The following ITGB4 variants were observed in gnomAD, a reference collection of about 807,000 sequenced individuals.
ITGB4 encodes the protein integrin beta-4.
ITGB4 carries 159 observed loss-of-function variants against 207.6 expected under a neutral mutation model. That is an observed-to-expected ratio of 0.77 (90% CI 0.67 to 0.87). The LOEUF (loss-of-function observed/expected upper bound fraction) is 0.87, where lower values mean the gene tolerates loss of function less well. Ranked by LOEUF, ITGB4 falls within the 40% of genes least tolerant of loss-of-function variation. The pLI is 0.00. For synonymous variants in ITGB4, 1,020 were observed against 1,062.7 expected, an observed-to-expected ratio of 0.96 and a Z score of 0.78; for missense variants, 2,278 against 2,546.8, an observed-to-expected ratio of 0.89 and a Z score of 2.27.
At chr17:75,733,196 G>A (rs1055350990) in intron 12 of ITGB4, among the ~76,000 whole-genome samples, 7 of 152,012 alleles carry the variant, frequency 4.6e-5, no homozygotes, top group Admixed American at 3.9e-4. Context: ...AGACCATCCT[G>A]GCTAACATGG....
chr17:75,743,874 C>T lies in ITGB4; in HGVS notation c.3111+13C>T, dbSNP rs756994742. The stretch of plus-strand genomic sequence containing the variant: ...GCAGGGCAACCGGGTGAGGCTGCGC[C>T]ACAGGGTCGAGGGTGCAGCCCGGGG... On this transcript the variant is annotated intron_variant, in intron 26 of 39. Transcript: ENST00000200181. The T allele has an allele frequency of 2.6e-6, 4 of 1,568,570 alleles. No individual in the cohort carries two copies. The South Asian group carries it at 4.6e-5, about 18-fold the overall frequency.
At position 75,730,342 on chromosome 17, in the gene ITGB4, C is replaced by G; in HGVS notation, c.840C>G (p.Ile280Met). 6 of 1,613,918 alleles carry G rather than the reference C, an allele frequency of 3.7e-6. No individual in the cohort carries two copies. Among genetic ancestry groups the G allele is most frequent in the Non-Finnish European group, 5.1e-6 (6 of 1,180,030 alleles). Reference sequence around the variant, plus strand: ...ATGGCGCCAACGTGCTGGCTGGCATCATGAGCCGCAACGATGAACGGTGCC... The same window carrying G: ...ATGGCGCCAACGTGCTGGCTGGCATGATGAGCCGCAACGATGAACGGTGCC... Reference protein sequence around the residue: ...EADGANVLAGIMSRNDERCHL... With the variant: ...EADGANVLAGMMSRNDERCHL... Residue 280 changes from isoleucine to methionine, a missense_variant, in exon 8 of 40, where the codon ATC (isoleucine) becomes ATG (methionine). Transcript: ENST00000200181.
At chr17:75,733,742 A>G in intron 13 of ITGB4, 50 bp downstream of exon 13, 1 of 1,579,514 alleles carries the variant, frequency 6.3e-7, no homozygotes, top group Non-Finnish European at 8.7e-7. Context: ...GGGAGTGGAC[A>G]GCAAGCATGA....
intron 26 of ITGB4, among the ~76,000 whole-genome samples, chr17:75,745,969 G>T (rs906692451): frequency 5.3e-5 from 8 of 152,228 alleles, no homozygotes; most frequent in African/African-American, 1.9e-4. Flanking sequence ...GGAGCGCGTA[G>T]TCAGCAGGCC....
In ITGB4 at chr17:75,754,717, C is replaced by T. The variant is rs145161839; in HGVS notation, c.4460C>T (p.Thr1487Ile). Reference sequence around the variant, plus strand: ...CACCGCGTGCTAAGCACATCCTCCACCCTCACACGGGACTACAACTCACTG... The same window carrying T: ...CACCGCGTGCTAAGCACATCCTCCATCCTCACACGGGACTACAACTCACTG... ...VPHRVLSTSS[T>I]LTRDYNSLTR... The change falls in exon 34 of 40, where the codon ACC becomes ATC. Residue 1487 changes from threonine (T) to isoleucine (I), a missense_variant. Physicochemically the swap from Thr to Ile is moderately conservative, Grantham distance 89. Transcript: ENST00000200181. 1 of 1,614,072 alleles carries T rather than the reference C, an allele frequency of 6.2e-7. No individual in the cohort carries two copies. Among genetic ancestry groups the T allele is most frequent in the African/African-American group, 1.3e-5 (1 of 74,930 alleles).
rs1193113402 is a variant in ITGB4 at position 75,721,515 on chromosome 17, C to G, written c.-108C>G. 1 of 151,784 alleles carries G rather than the reference C, an allele frequency of 6.6e-6. No individual in the cohort carries two copies. 9.4% of individuals were successfully genotyped at this position (151,784 alleles called of 1,614,324 possible). ...CCCTGCTCGCCCGCGCGCTGCAGCC[C>G]CATCTCCTAGCGGCAGCCCAGGCGC... On this transcript the variant is annotated 5_prime_UTR_variant, in exon 1 of 40. Transcript: ENST00000200181.
In ITGB4 at chr17:75,750,327, C is replaced by T. The variant is rs1018264982; in HGVS notation, c.3474+59C>T. The stretch of plus-strand genomic sequence containing the variant: ...ATGGGCGGTCTGGCACCAGCACTCA[C>T]AGAAGAGGTGGGCCGTCCAAGGCCA... On this transcript the variant is annotated intron_variant, in intron 28 of 39. Transcript: ENST00000200181. This position sits in a 1 kb window ranked among gnomAD's most constrained non-coding sequence, Gnocchi z 5.5. The T allele has an allele frequency of 4.6e-5, 71 of 1,547,072 alleles. No homozygotes were observed. The highest frequency in any genetic ancestry group is 6.1e-5 in the Non-Finnish European group (70 of 1,140,834).
At position 75,740,309 on chromosome 17, in the gene ITGB4, C is replaced by T; in HGVS notation, c.2447-49C>T. 1.3e-6 allele frequency: 2 copies of T among 1,502,232 alleles called. No individual in the cohort carries two copies. Among genetic ancestry groups the T allele is most frequent in the Non-Finnish European group, 1.8e-6 (2 of 1,088,210 alleles). The allele number at this position is 1,502,232 out of a possible 1,614,324, so 93.1% of individuals were successfully genotyped here. A position where few individuals can be genotyped will look rare whatever the true frequency, so the allele number is the denominator to read the frequency against. On this transcript the variant is annotated intron_variant, in intron 20 of 39. Transcript: ENST00000200181. This position sits in a 1 kb window ranked among gnomAD's most constrained non-coding sequence, Gnocchi z 5.9. ...GGGATGCTCTGTGGTGCCTGTCATG[C>T]AGGGGGCTGACCACCTCCATCTCAC...
Position 75,756,499 on chromosome 17 carries a change from C to T in ITGB4, c.4779C>T (p.Asn1593=), listed in dbSNP as rs2061506755. Residue 1593 remains asparagine, a synonymous_variant, in exon 36 of 40, where the codon AAC becomes AAT. Coordinates refer to ENST00000200181, the MANE Select transcript of ITGB4 (RefSeq NM_000213.5). ...TSVVVEDLLP[N]HSYVFRVRAQ... Reference sequence around the variant, plus strand: ...TGGTGGTGGAAGACCTCCTGCCCAACCACTCCTACGTGTTCCGCGTGCGGG... The same window carrying T: ...TGGTGGTGGAAGACCTCCTGCCCAATCACTCCTACGTGTTCCGCGTGCGGG... 6.2e-7 allele frequency: 1 copy of T among 1,613,274 alleles called. No homozygotes were observed. The highest frequency in any genetic ancestry group is 1.3e-5 in the African/African-American group (1 of 74,930).
At chr17:75,743,191 G>C (rs978752348) in intron 25 of ITGB4, among the ~76,000 whole-genome samples, 1 of 152,072 alleles carries the variant, frequency 6.6e-6, no homozygotes, top group African/African-American at 2.4e-5. Context: ...TCCCTCCTCT[G>C]CCTGGCCCTT....
chr17:75,756,918 C>G lies in ITGB4; in HGVS notation c.5054-25C>G, dbSNP rs2249613. ...GGAGGGGTAAAGAGGGGGCCGCAGACGCTGAAGGCATCTTCCCTGCTCAGG... is the reference window on the plus strand; with the variant it reads ...GGAGGGGTAAAGAGGGGGCCGCAGAGGCTGAAGGCATCTTCCCTGCTCAGG... On this transcript the variant is annotated intron_variant, in intron 37 of 39. Coordinates refer to ENST00000200181, the MANE Select transcript of ITGB4 (RefSeq NM_000213.5). The G allele has an allele frequency of 0.65, 1,041,132 of 1,611,884 alleles. 337,733 individuals are homozygous for G. The highest frequency in any genetic ancestry group is 0.75 in the African/African-American group (55,947 of 74,878).
intron 30 of ITGB4, among the ~76,000 whole-genome samples, 192 bp downstream of exon 30, chr17:75,751,303 G>A (rs755926802): frequency 1.3e-5 from 2 of 152,206 alleles, no homozygotes; most frequent in African/African-American, 4.8e-5. Context: ...TGCATTCTAA[G>A]ACCAAACCCA....
rs1458367394 is a variant in ITGB4 at position 75,727,316 on chromosome 17, G to A, written c.162+39G>A. ...CCGGGTTGGTGTGGAACAGGCAAGG[G>A]TCGGGAATAGCTGGTGGAAATGAAT... On this transcript the variant is annotated intron_variant, in intron 3 of 39. Coordinates refer to ENST00000200181, the MANE Select transcript of ITGB4 (RefSeq NM_000213.5). The surrounding 1 kb of genome is among the most constrained non-coding windows in gnomAD (Gnocchi z 6.0). The A allele has an allele frequency of 6.2e-7, 1 of 1,612,788 alleles. No individual in the cohort carries two copies. The highest frequency in any genetic ancestry group is 8.5e-7 in the Non-Finnish European group (1 of 1,179,192).
chr17:75,756,309 A>G, intron 35 of ITGB4, 120 bp from the exon 36 acceptor site: 1 of 1,107,270 alleles, frequency 9.0e-7, no homozygotes, highest in Non-Finnish European at 1.3e-6. Context: ...CTGTACCCAA[A>G]CCACAGCTAG....
chr17:75,754,646 G>A lies in ITGB4; in HGVS notation c.4389G>A (p.Thr1463=), dbSNP rs574417789. ...GSTNSLHRMT[T]TSAAAYGTHL... ...CCAACTCCCTGCACAGGATGACCACGACCAGTGCTGCTGCCTATGGCACCC... is the reference window on the plus strand; with the variant it reads ...CCAACTCCCTGCACAGGATGACCACAACCAGTGCTGCTGCCTATGGCACCC... Residue 1463 remains threonine, a synonymous_variant, in exon 34 of 40, where the codon ACG becomes ACA. Transcript: ENST00000200181. 83 of 1,613,984 alleles carry A rather than the reference G, an allele frequency of 5.1e-5. No homozygotes were observed. In the African/African-American group the frequency reaches 8.0e-4, roughly 16 times the overall value.
At chr17:75,728,951 T>A (rs1599222975) in intron 6 of ITGB4, among the ~76,000 whole-genome samples, 1 of 132,452 alleles carries the variant, frequency 7.5e-6, no homozygotes. Context: ...GCCACTGCAC[T>A]CCAGCCTGGG....
intron 8 of ITGB4, 94 bp downstream of exon 8, chr17:75,730,598 C>T: frequency 3.2e-6 from 3 of 942,446 alleles, no homozygotes; most frequent in Non-Finnish European, 4.5e-6. Context: ...CCCTCCCTCC[C>T]TCCCTTCCTC....
intron 18 of ITGB4, among the ~76,000 whole-genome samples, chr17:75,738,398 C>T (rs777488297): frequency 1.3e-5 from 2 of 152,186 alleles, no homozygotes; most frequent in Non-Finnish European, 2.9e-5. Flanking sequence ...CATTTCCCCG[C>T]CCCCCATCAC....
Position 75,742,446 on chromosome 17 carries a change from C to T in ITGB4, c.2739C>T (p.Asp913=), listed in dbSNP as rs1027113098. ...AGGTGGAACAGAGGGCCTTCCACGA[C>T]CTCAAGGTGGCCCCCGGCTACTACA... The part of the protein sequence containing the change: ...EKQVEQRAFH[D]LKVAPGYYTL... The change falls in exon 24 of 40, where the codon GAC becomes GAT. Residue 913 remains aspartate, a synonymous_variant. Coordinates refer to ENST00000200181, the MANE Select transcript of ITGB4 (RefSeq NM_000213.5). The surrounding 1 kb of genome is among the most constrained non-coding windows in gnomAD (Gnocchi z 5.9). The T allele has an allele frequency of 6.2e-7, 1 of 1,613,238 alleles. No individual in the cohort carries two copies. Among genetic ancestry groups the T allele is most frequent in the Non-Finnish European group, 8.5e-7 (1 of 1,179,862 alleles).
Sources: gnomAD v4.1 joint callset for allele counts (sites outside exome capture counted in the v4.1 genomes callset) on GRCh38, gnomAD v4.1.1 for gene constraint, Gnocchi (gnomAD v3.1) non-coding constraint, MANE v1.5 for transcripts, NCBI Gene and HGNC (gene_info 2026-07-23, HGNC 2026-07-21) for gene names.